SLCO4A1: variants seen among roughly 807,000 people sequenced by gnomAD.
SLCO4A1 encodes solute carrier organic anion transporter family member 4A1.
SLCO4A1 carries 51 observed loss-of-function variants against 64.6 expected under a neutral mutation model. The observed-to-expected ratio is 0.79, with a 90% confidence interval of 0.63 to 1.00. The LOEUF is 1.00. Ranked by LOEUF, SLCO4A1 falls within the 50% of genes least tolerant of loss-of-function variation. The pLI, the probability that SLCO4A1 is intolerant of heterozygous loss-of-function variation, is 0.00. For synonymous variants in SLCO4A1, 471 were observed against 444.9 expected, an observed-to-expected ratio of 1.06 and a Z score of -0.74; for missense variants, 919 against 980.5, an observed-to-expected ratio of 0.94 and a Z score of 0.84.
chr20:62,669,156 C>T (rs965034894), intron 11 of SLCO4A1, 78 bp downstream of exon 11: 1 of 1,390,946 alleles, frequency 7.2e-7, no homozygotes, highest in Non-Finnish European at 1.0e-6. Flanking sequence ...GATCTTCCAG[C>T]AGCTTGGACC....
At chr20:62,690,125 G>C (rs1052752429), downstream of SLCO4A1, among the ~76,000 whole-genome samples, 4 of 152,194 alleles carry the variant, frequency 2.6e-5, no homozygotes, top group Non-Finnish European at 5.9e-5. Flanking sequence ...GGGTGCCCGC[G>C]ATGGTCCTGG....
At chr20:62,673,897 G>C (rs962079923), downstream of SLCO4A1, among the ~76,000 whole-genome samples, 3 of 152,246 alleles carry the variant, frequency 2.0e-5, no homozygotes, top group African/African-American at 4.8e-5. Context: ...TTCTGGGGCA[G>C]TTTGTTCTGC....
chr20:62,666,293 C>A, intron 6 of SLCO4A1, 87 bp from the exon 7 acceptor site: 1 of 1,199,812 alleles, frequency 8.3e-7, no homozygotes, highest in Non-Finnish European at 1.2e-6. Context: ...AGTTTCCCCA[C>A]CTGTAAAGTG....
intron 2 of SLCO4A1, among the ~76,000 whole-genome samples, chr20:62,681,351 C>T (rs1672050741): frequency 6.6e-6 from 1 of 152,236 alleles, no homozygotes; most frequent in South Asian, 2.1e-4. Flanking sequence ...TATTCTGATT[C>T]CGTGGTTCTG....
At chr20:62,660,028 C>T (rs1984471427) in intron 3 of SLCO4A1, among the ~76,000 whole-genome samples, 1 of 152,256 alleles carries the variant, frequency 6.6e-6, no homozygotes, top group African/African-American at 2.4e-5. Flanking sequence ...AGCCCTCTGG[C>T]GTCCCTGGGA....
In SLCO4A1 at chr20:62,684,635, C is replaced by G. The variant is rs746958369; in HGVS notation, n.212-806C>G. On this transcript the variant is annotated intron_variant and non_coding_transcript_variant, in intron 2 of 2. Coordinates refer to the SLCO4A1 transcript ENST00000466818. ...CCTGGCATCCCAGGGACTGGGCTGT[C>G]ATTTAAGTTTAGGCCACTGACACGA... 1.1e-4 allele frequency among the ~76,000 whole-genome samples: 16 copies of G among 152,152 alleles called. 1 individual carries two copies. The highest frequency in any genetic ancestry group is 1.5e-5 in the Non-Finnish European group (1 of 68,024).
At chr20:62,684,817 C>T (rs906013231) in intron 2 of SLCO4A1, among the ~76,000 whole-genome samples, 11 of 152,208 alleles carry the variant, frequency 7.2e-5, no homozygotes, top group African/African-American at 2.7e-4. Flanking sequence ...CTGGAAGTCG[C>T]TCATTAAGAC....
In SLCO4A1 at chr20:62,657,803, T is replaced by C. The variant is rs1008725293; in HGVS notation, c.796+553T>C. 4.6e-5 allele frequency among the ~76,000 whole-genome samples: 7 copies of C among 151,978 alleles called. No homozygotes were observed. In the East Asian group the frequency reaches 1.2e-3, roughly 25 times the overall value. On this transcript the variant is annotated intron_variant, in intron 2 of 11. Transcript: ENST00000217159. ...GTCTGCTCCGGCAGCCACATAGGGG[T>C]GTGGAAAAGACCGAGCAAATCTGGA...
intron 6 of SLCO4A1, chr20:62,665,308 G>A (rs952979891): frequency 5.1e-5 from 28 of 545,496 alleles, no homozygotes; most frequent in South Asian, 1.6e-4. Context: ...GACATGCTCC[G>A]TAGGTGGAAG....
chr20:62,658,212 G>A (rs1245316597), intron 2 of SLCO4A1, among the ~76,000 whole-genome samples: 5 of 152,234 alleles, frequency 3.3e-5, no homozygotes, highest in South Asian at 2.1e-4. Context: ...GGCAGTGCTC[G>A]TCCCAAGAAC....
chr20:62,665,750 C>G (rs912163978), intron 6 of SLCO4A1: 2 of 153,618 alleles, frequency 1.3e-5, no homozygotes, highest in African/African-American at 4.8e-5. Context: ...CAACAGCCCC[C>G]CAGAGGTCAG....
chr20:62,688,119 T>C (rs966406581), downstream of SLCO4A1, among the ~76,000 whole-genome samples: 13 of 151,448 alleles, frequency 8.6e-5, no homozygotes, highest in Non-Finnish European at 1.5e-4. Flanking sequence ...ATAAGAGACC[T>C]ACACACACAC....
Position 62,666,573 on chromosome 20 carries a change from G to T in SLCO4A1, c.1470G>T (p.Gly490=), listed in dbSNP as rs745560604. Residue 490 remains glycine, a splice_region_variant and synonymous_variant, in exon 7 of 12, where the codon GGG becomes GGT. Coordinates refer to ENST00000217159, the MANE Select transcript of SLCO4A1 (RefSeq NM_016354.4). ...PMAGVTASYG[G]SLLPEGHLNL... ...CGGGCGTCACAGCCAGCTACGGCGG[G>T]AGGTGAGGGCCAGATGGCACCTGGG... 1.2e-6 allele frequency: 2 copies of T among 1,611,888 alleles called. No homozygotes were observed. The highest frequency in any genetic ancestry group is 1.7e-6 in the Non-Finnish European group (2 of 1,179,792).
rs149371543 is a variant in SLCO4A1, at chr20:62,656,890, G to A, written c.436G>A (p.Ala146Thr). The change falls in exon 2 of 12, where the codon GCC becomes ACC. Residue 146 changes from alanine (A) to threonine (T), a missense_variant. Transcript: ENST00000217159. ...GCACAGCTACCAGAGCGGGCTCATCGCCAGCTCCTACGACATTGCCGCCTG... is the reference window on the plus strand; with the variant it reads ...GCACAGCTACCAGAGCGGGCTCATCACCAGCTCCTACGACATTGCCGCCTG... ...DLHSYQSGLI[A>T]SSYDIAACLC... 3.7e-5 allele frequency: 59 copies of A among 1,578,654 alleles called. No homozygotes were observed. The African/African-American group carries it at 6.6e-4, about 18-fold the overall frequency.
downstream of SLCO4A1, among the ~76,000 whole-genome samples, chr20:62,687,526 A>G (rs534432378): frequency 4.6e-5 from 7 of 152,342 alleles, no homozygotes; most frequent in African/African-American, 1.4e-4. Context: ...CACCCACACA[A>G]TGAGCCCGGC....
chr20:62,650,993 G>A (rs915641629), intron 1 of SLCO4A1, among the ~76,000 whole-genome samples: 1 of 152,206 alleles, frequency 6.6e-6, no homozygotes, highest in Non-Finnish European at 1.5e-5. Flanking sequence ...ACGTATCCAT[G>A]TGAGGTCTTG....
downstream of SLCO4A1, among the ~76,000 whole-genome samples, chr20:62,687,902 A>T (rs552690321): frequency 2.6e-5 from 4 of 152,036 alleles, no homozygotes; most frequent in East Asian, 7.8e-4. Context: ...ACCCCAGGGG[A>T]TCCCCACTCA....
intron 5 of SLCO4A1, among the ~76,000 whole-genome samples, chr20:62,662,265 C>T (rs547333095): frequency 1.2e-4 from 18 of 152,144 alleles, no homozygotes; most frequent in Non-Finnish European, 2.1e-4. Context: ...CTGGGAGCTG[C>T]CTGCTAAGGA....
intron 5 of SLCO4A1, among the ~76,000 whole-genome samples, chr20:62,664,549 C>T (rs1985711298): frequency 6.6e-6 from 1 of 152,192 alleles, no homozygotes; most frequent in African/African-American, 2.4e-5. Context: ...GGTCTCTCCC[C>T]ACCTGAGCTG....
Sources: gnomAD v4.1 joint callset for allele counts (sites outside exome capture counted in the v4.1 genomes callset) on GRCh38, gnomAD v4.1.1 for gene constraint, MANE v1.5 for transcripts, NCBI Gene and HGNC (gene_info 2026-07-23, HGNC 2026-07-21) for gene names.